GPC3: variants seen among roughly 807,000 people sequenced by gnomAD.
GPC3 encodes glypican-3.
A neutral mutation model predicts 34.4 loss-of-function variants in GPC3; 3 were observed. That is an observed-to-expected ratio of 0.09 (90% confidence interval 0.04 to 0.23). The LOEUF (loss-of-function observed/expected upper bound fraction) is 0.23, where lower values mean the gene tolerates loss of function less well. Ranked by LOEUF, GPC3 falls within the 10% of genes least tolerant of loss-of-function variation. The pLI, the probability that GPC3 is intolerant of heterozygous loss-of-function variation, is 1.00. For synonymous variants in GPC3, 177 were observed against 174.0 expected (o/e 1.02, Z -0.13); for missense variants, 351 against 445.6 (o/e 0.79, Z 1.91).
At chrX:133,885,516 A>G (rs924227300) in intron 2 of GPC3, among the ~76,000 whole-genome samples, 3 of 111,759 alleles carry the variant, frequency 2.7e-5, no homozygotes, top group Admixed American at 1.9e-4. Flanking sequence ...AGTTTTGTAA[A>G]CTAGTTTTCA....
At chrX:133,626,925 A>C (rs987296859) in intron 6 of GPC3, among the ~76,000 whole-genome samples, 4 of 108,416 alleles carry the variant, frequency 3.7e-5, no homozygotes, top group African/African-American at 1.3e-4. Flanking sequence ...CAAATGTCCA[A>C]CAATGATAGA....
chrX:133,810,855 C>T (rs1369036592), intron 2 of GPC3, among the ~76,000 whole-genome samples: 1 of 75,324 alleles, frequency 1.3e-5, no homozygotes, highest in Non-Finnish European at 2.7e-5. Flanking sequence ...GAGCAAGACT[C>T]CGTCTCAAAA....
At chrX:133,754,213 T>C (rs763008747) in intron 2 of GPC3, 37 bp from the exon 3 acceptor site, 2 of 992,756 alleles carry the variant, frequency 2.0e-6, no homozygotes, top group East Asian at 6.1e-5. Flanking sequence ...CAAAAATGTG[T>C]ACAAATTAAA....
rs191296822 is a variant in GPC3 at position 133,762,854 on chromosome X, C to A, written c.338-8678G>T. 12 of 533,137 alleles carry A rather than the reference C, an allele frequency of 2.3e-5. No homozygotes were observed. The East Asian group carries it at 4.1e-4, about 18-fold the overall frequency. 43.9% of individuals were successfully genotyped at this position (533,137 alleles called of 1,213,427 possible). A position where few individuals can be genotyped will look rare whatever the true frequency, so the allele number is the denominator to read the frequency against. On this transcript the variant is annotated intron_variant, in intron 2 of 7. Transcript: ENST00000370818. ...TAGAAGGGTGTCCTTAAGTTCCTTG[C>A]AGCAGGAACCCACTTAGGTGGCACC...
At chrX:133,818,966 G>T (rs1465862420) in intron 2 of GPC3, among the ~76,000 whole-genome samples, 1 of 109,809 alleles carries the variant, frequency 9.1e-6, no homozygotes, top group Non-Finnish European at 1.9e-5. Context: ...CCCTTTTGGT[G>T]ATTTTTCTCT....
In GPC3 at chrX:133,682,109, C is replaced by T. The variant is rs145757139; in HGVS notation, c.1292+10260G>A. On this transcript the variant is annotated intron_variant, in intron 5 of 7. Transcript: ENST00000370818. ...ATCACTCAAAACACTTCTTGCTGGGCGTGGTGGTACATGCCCATAATCTCG... is the reference window on the plus strand; with the variant it reads ...ATCACTCAAAACACTTCTTGCTGGGTGTGGTGGTACATGCCCATAATCTCG... 2.4e-3 allele frequency among the ~76,000 whole-genome samples: 269 copies of T among 111,359 alleles called. 6 individuals carry two copies. In the East Asian group the frequency reaches 0.06, roughly 25 times the overall value.
At chrX:133,954,778 G>A (rs1192018786) in intron 1 of GPC3, among the ~76,000 whole-genome samples, 11 of 59,323 alleles carry the variant, frequency 1.9e-4, no homozygotes, top group Admixed American at 2.9e-4. Flanking sequence ...ATGGAGTTTC[G>A]CTCTTGTCGC....
intron 2 of GPC3, among the ~76,000 whole-genome samples, chrX:133,877,311 C>A (rs1240307415): frequency 9.0e-6 from 1 of 111,704 alleles, no homozygotes; most frequent in Non-Finnish European, 1.9e-5. Flanking sequence ...CCAAGTTTTA[C>A]TACAACAGTG....
rs561700923 is a variant in GPC3 at position 133,600,374 on chromosome X, C to A, written c.1414-3775G>T. Among the ~76,000 whole-genome samples, 33 of 111,927 alleles carry A rather than the reference C, an allele frequency of 2.9e-4. No individual in the cohort carries two copies. In the South Asian group the frequency reaches 8.6e-3, roughly 29 times the overall value. On this transcript the variant is annotated intron_variant, in intron 6 of 7. Coordinates refer to ENST00000370818, the MANE Select transcript of GPC3 (RefSeq NM_004484.4). ...CTAATCTTTGAGAGACTGTTTCCAA[C>A]CTGTGTGCAATGTCCCCACTATTCT...
intron 5 of GPC3, among the ~76,000 whole-genome samples, chrX:133,676,132 G>A (rs1385681225): frequency 1.8e-5 from 2 of 112,201 alleles, no homozygotes; most frequent in African/African-American, 6.5e-5. Context: ...GTGCAGGGGG[G>A]CTGCCGTGGT....
chrX:133,670,105 A>G (rs999075613), intron 5 of GPC3, among the ~76,000 whole-genome samples: 2 of 111,976 alleles, frequency 1.8e-5, no homozygotes, highest in African/African-American at 6.5e-5. Context: ...AGAGGAATAG[A>G]GTCAAACAAG....
intron 7 of GPC3, among the ~76,000 whole-genome samples, chrX:133,565,791 A>ATT (rs2069576857): frequency 8.9e-6 from 1 of 112,373 alleles, no homozygotes; most frequent in Non-Finnish European, 1.9e-5. Context: ...CTATGAAATA[A>ATT]TTGGAAGTAA....
chrX:133,854,956 A>T (rs1433269971), intron 2 of GPC3, among the ~76,000 whole-genome samples: 1 of 112,566 alleles, frequency 8.9e-6, no homozygotes, highest in Non-Finnish European at 1.9e-5. Context: ...TTAAGTGAAA[A>T]TAGCAAGTAT....
intron 1 of GPC3, among the ~76,000 whole-genome samples, chrX:133,961,619 G>C (rs2076441823): frequency 9.0e-6 from 1 of 111,587 alleles, no homozygotes; most frequent in Non-Finnish European, 1.9e-5. Context: ...TTTATGCCAA[G>C]GACTATGCCC....
chrX:133,783,124 G>C (rs2072066578), intron 2 of GPC3, among the ~76,000 whole-genome samples: 1 of 110,527 alleles, frequency 9.0e-6, no homozygotes, highest in African/African-American at 3.3e-5. Flanking sequence ...GAGAGCTAGG[G>C]ATCCAAGGTC....
intron 3 of GPC3, among the ~76,000 whole-genome samples, chrX:133,725,028 T>G (rs1342679221): frequency 1.8e-5 from 2 of 111,734 alleles, no homozygotes; most frequent in Non-Finnish European, 3.8e-5. Context: ...ACACATTACC[T>G]CAGGCAGTTG....
At chrX:133,704,045 T>C (rs2071191954) in intron 3 of GPC3, among the ~76,000 whole-genome samples, 1 of 111,940 alleles carries the variant, frequency 8.9e-6, no homozygotes, top group South Asian at 3.8e-4. Context: ...AAAGCCATCT[T>C]GGGCTGCATG....
At chrX:133,740,492 G>A (rs377189018) in intron 3 of GPC3, among the ~76,000 whole-genome samples, 1 of 112,251 alleles carries the variant, frequency 8.9e-6, no homozygotes, top group South Asian at 3.7e-4. Context: ...AACTTGTGAA[G>A]AAACTGCTCA....
At chrX:133,981,886 G>A (rs2076541105) in intron 1 of GPC3, among the ~76,000 whole-genome samples, 1 of 112,119 alleles carries the variant, frequency 8.9e-6, no homozygotes, top group South Asian at 3.7e-4. Context: ...TGGCCTTCTG[G>A]ATTGGTTCTC....
Sources: allele counts gnomAD v4.1 joint callset (sites outside exome capture counted in the v4.1 genomes callset), GRCh38; gene constraint gnomAD v4.1.1; transcripts MANE v1.5; gene names NCBI Gene and HGNC (gene_info 2026-07-23, HGNC 2026-07-21).